The following FAM171A1 variants were observed in gnomAD, a reference collection of about 807,000 sequenced individuals.
FAM171A1 encodes the protein protein FAM171A1.
FAM171A1 carries 23 observed loss-of-function variants against 74.9 expected under a neutral mutation model. The observed-to-expected ratio is 0.31, with a 90% CI of 0.22 to 0.44. The LOEUF (loss-of-function observed/expected upper bound fraction) is 0.44. FAM171A1 is among the 20% of genes least tolerant of loss of function. The pLI, the probability that FAM171A1 is intolerant of heterozygous loss-of-function variation, is 1.00. For synonymous variants in FAM171A1, 527 were observed against 505.7 expected, an observed-to-expected ratio of 1.04 and a Z score of -0.57; for missense variants, 1,162 against 1,159.2, an observed-to-expected ratio of 1.00 and a Z score of -0.03.
rs1272837653 is a variant in FAM171A1 at position 15,331,852 on chromosome 10, TATGTGTGTATATATATGTGTGTGTATAC to T, written c.97+39076_97+39103del. 5.6e-4 allele frequency among the ~76,000 whole-genome samples: 20 copies of T among 35,874 alleles called. 3 individuals carry two copies. In the East Asian group the frequency reaches 0.017, roughly 30 times the overall value. 23.5% of individuals were successfully genotyped at this position (35,874 alleles called of 152,430 possible). ...GTGTGTATATATATGTGTGTATATATATGTGTGTATATATATGTGTGTGTATACATATATATATATATATGAAACAATT... is the reference window on the plus strand; with the variant it reads ...GTGTGTATATATATGTGTGTATATATATATATATATATATATGAAACAATT... On this transcript the variant is annotated intron_variant, in intron 1 of 7. Coordinates refer to ENST00000378116, the MANE Select transcript of FAM171A1 (RefSeq NM_001010924.2).
At chr10:15,214,865 A>G (rs1317098551) in intron 7 of FAM171A1, among the ~76,000 whole-genome samples, 1 of 151,002 alleles carries the variant, frequency 6.6e-6, no homozygotes, top group Non-Finnish European at 1.5e-5. Context: ...GGCTCAAGTG[A>G]TCCTCCCACC....
chr10:15,240,770 C>T (rs1200582122), intron 5 of FAM171A1: 2 of 984,080 alleles, frequency 2.0e-6, no homozygotes, highest in African/African-American at 3.5e-5. Context: ...AGGGTGGTGG[C>T]TCACAGTCGT....
intron 5 of FAM171A1, among the ~76,000 whole-genome samples, chr10:15,229,299 G>T (rs1834152256): frequency 6.6e-6 from 1 of 152,050 alleles, no homozygotes; most frequent in South Asian, 2.1e-4. Context: ...AGCTTTCTTG[G>T]GCTGTCATGG....
chr10:15,228,734 GACC>G (rs1834142807), intron 5 of FAM171A1, among the ~76,000 whole-genome samples: 1 of 152,184 alleles, frequency 6.6e-6, no homozygotes. Context: ...AGGGTCAATG[GACC>G]ATACAGATGA....
At chr10:15,367,045 A>C (rs575784693) in intron 1 of FAM171A1, among the ~76,000 whole-genome samples, 1 of 152,232 alleles carries the variant, frequency 6.6e-6, no homozygotes, top group East Asian at 1.9e-4. Context: ...AAAAATACAA[A>C]AAAAATAGCC....
chr10:15,341,603 A>C (rs1313579421), intron 1 of FAM171A1, among the ~76,000 whole-genome samples: 1 of 152,220 alleles, frequency 6.6e-6, no homozygotes, highest in Non-Finnish European at 1.5e-5. Flanking sequence ...TAATTAATTC[A>C]ATCTGCCTTC....
At chr10:15,233,402 C>T (rs1016087866) in intron 5 of FAM171A1, among the ~76,000 whole-genome samples, 1 of 152,050 alleles carries the variant, frequency 6.6e-6, no homozygotes. Flanking sequence ...AAACTGCATA[C>T]TGGAAATGGC....
intron 5 of FAM171A1, among the ~76,000 whole-genome samples, chr10:15,229,424 TCAC>T (rs931855962): frequency 4.0e-5 from 6 of 151,434 alleles, no homozygotes; most frequent in Admixed American, 1.3e-4. Flanking sequence ...ATCATCGTCA[TCAC>T]CACCATCATC....
chr10:15,370,961 G>T lies in FAM171A1; in HGVS notation c.92C>A (p.Ala31Asp). 1.7e-6 allele frequency: 2 copies of T among 1,173,406 alleles called. No homozygotes were observed. Among genetic ancestry groups the T allele is most frequent in the Non-Finnish European group, 2.2e-6 (2 of 928,932 alleles). 72.7% of individuals were successfully genotyped at this position (1,173,406 alleles called of 1,614,324 possible). A position where few individuals can be genotyped will look rare whatever the true frequency, so the allele number is the denominator to read the frequency against. Residue 31 changes from alanine (A) to aspartate (D), a missense_variant, in exon 1 of 8, where the codon GCC becomes GAC. Coordinates refer to ENST00000378116, the MANE Select transcript of FAM171A1 (RefSeq NM_001010924.2). Reference sequence around the variant, plus strand: ...CCCCGCCGCCGCCCACTGACCTTGGGCTCCGGCGCCGGGCTCCCGCAGCGT... The same window carrying T: ...CCCCGCCGCCGCCCACTGACCTTGGTCTCCGGCGCCGGGCTCCCGCAGCGT... ...TKTLREPGAG[A>D]QEVTLKVHIS... is the part of the protein sequence containing the mutation.
At chr10:15,218,457 C>T (rs1564613352) in intron 6 of FAM171A1, among the ~76,000 whole-genome samples, 1 of 152,150 alleles carries the variant, frequency 6.6e-6, no homozygotes, top group Non-Finnish European at 1.5e-5. Context: ...AGTTAAGGAA[C>T]ATAACCCAAA....
intron 3 of FAM171A1, among the ~76,000 whole-genome samples, chr10:15,272,294 G>T (rs1384547831): frequency 6.6e-6 from 1 of 152,156 alleles, no homozygotes; most frequent in Non-Finnish European, 1.5e-5. Flanking sequence ...AAGAGACAAA[G>T]AAGGCCATTA....
intron 1 of FAM171A1, among the ~76,000 whole-genome samples, chr10:15,322,450 G>A (rs144034867): frequency 6.6e-6 from 1 of 152,170 alleles, no homozygotes; most frequent in African/African-American, 2.4e-5. Flanking sequence ...ATTGTCTTAA[G>A]GGTTAGCATT....
rs1320124065 is a variant in FAM171A1 at position 15,254,916 on chromosome 10, G to A, written c.419-37C>T. The A allele has an allele frequency of 1.9e-6, 3 of 1,592,296 alleles. No individual in the cohort carries two copies. In the South Asian group the frequency reaches 3.3e-5, roughly 18 times the overall value. On this transcript the variant is annotated intron_variant, in intron 3 of 7. Coordinates refer to ENST00000378116, the MANE Select transcript of FAM171A1 (RefSeq NM_001010924.2). ...AACCTCCGAGTTATCTCCCCCAGGA[G>A]CAGTTTCTGTTTTTAGAAAATGCAA...
At chr10:15,224,686 C>T (rs544905420) in intron 5 of FAM171A1, among the ~76,000 whole-genome samples, 16 of 152,276 alleles carry the variant, frequency 1.1e-4, no homozygotes, top group African/African-American at 2.2e-4. Flanking sequence ...TTCTCTCTTG[C>T]CTGCCACCAT....
chr10:15,217,445 A>G (rs540230080), intron 6 of FAM171A1, among the ~76,000 whole-genome samples: 1 of 152,304 alleles, frequency 6.6e-6, no homozygotes, highest in Admixed American at 6.5e-5. Context: ...AAGGGGACAA[A>G]TCTCCTAATT....
intron 3 of FAM171A1, among the ~76,000 whole-genome samples, chr10:15,275,586 A>G (rs1186082492): frequency 6.6e-6 from 1 of 152,086 alleles, no homozygotes; most frequent in Admixed American, 6.6e-5. Context: ...CATGAGCCAT[A>G]AGATTTTAGT....
chr10:15,238,745 C>T (rs376485529), intron 5 of FAM171A1, among the ~76,000 whole-genome samples: 1 of 152,160 alleles, frequency 6.6e-6, no homozygotes, highest in South Asian at 2.1e-4. Context: ...ATGCATCGTA[C>T]GTGGTAAGAG....
At chr10:15,266,732 T>A (rs1834747266) in intron 3 of FAM171A1, among the ~76,000 whole-genome samples, 1 of 151,512 alleles carries the variant, frequency 6.6e-6, no homozygotes, top group African/African-American at 2.4e-5. Context: ...ATTTGGGCAT[T>A]GTGGTATGTG....
intron 1 of FAM171A1, among the ~76,000 whole-genome samples, chr10:15,363,028 G>A (rs1836015223): frequency 6.6e-6 from 1 of 152,200 alleles, no homozygotes; most frequent in African/African-American, 2.4e-5. Context: ...TACAGCAGAT[G>A]CTAAGATTTA....
Sources: allele counts gnomAD v4.1 joint callset (sites outside exome capture counted in the v4.1 genomes callset), GRCh38; gene constraint gnomAD v4.1.1; transcripts MANE v1.5; gene names NCBI Gene and HGNC (gene_info 2026-07-23, HGNC 2026-07-21).